The following LRP2BP variants were observed in gnomAD, a reference collection of about 807,000 sequenced individuals.
LRP2BP encodes the protein LRP2 binding protein.
A neutral mutation model predicts 45.2 loss-of-function variants in LRP2BP; 38 were observed. The observed-to-expected ratio is 0.84, with a 90% CI of 0.65 to 1.10. The LOEUF (loss-of-function observed/expected upper bound fraction) is 1.10, where lower values mean the gene tolerates loss of function less well. Ranked by LOEUF, LRP2BP falls within the 50% of genes least tolerant of loss-of-function variation. The pLI is 0.00. For synonymous variants in LRP2BP, 153 were observed against 153.9 expected (o/e 0.99, Z 0.04); for missense variants, 385 against 418.9 (o/e 0.92, Z 0.71).
chr4:185,367,295 T>A, intron 8 of LRP2BP, 50 bp from the exon 9 acceptor site: 2 of 1,469,932 alleles, frequency 1.4e-6, no homozygotes, highest in Non-Finnish European at 1.9e-6. Context: ...ATTGTTTGGG[T>A]CTTTCTTCTT....
Position 185,365,078 on chromosome 4 carries a change from TAC to T in LRP2BP, c.*2100_*2101del, listed in dbSNP as rs1396930879. Reference sequence around the variant, plus strand: ...TCTGGAAGTCTCAATGCACTCGAGTTACAGACTCACCGCAGTCTCAGGTCAAG... The same window carrying T: ...TCTGGAAGTCTCAATGCACTCGAGTTAGACTCACCGCAGTCTCAGGTCAAG... On this transcript the variant is annotated 3_prime_UTR_variant, in exon 9 of 9. Transcript: ENST00000505916. The T allele has an allele frequency of 6.6e-6, 1 of 152,002 alleles. No individual in the cohort carries two copies. Among genetic ancestry groups the T allele is most frequent in the Non-Finnish European group, 1.5e-5 (1 of 68,024 alleles). The allele number at this position is 152,002 out of a possible 1,614,324, so 9.4% of individuals were successfully genotyped here.
At position 185,372,856 on chromosome 4, in the gene LRP2BP, CT is replaced by C. The variant is rs1229237158; in HGVS notation, c.802del (p.Arg268GlyfsTer13). The C allele has an allele frequency of 1.1e-5, 17 of 1,598,082 alleles. No individual in the cohort carries two copies. The highest frequency in any genetic ancestry group is 1.5e-5 in the Non-Finnish European group (17 of 1,166,698). ...FFTKCVAFSK[R>X]IADYDEVHDI... ...GCACAGAACAGACAAAGACATTCAC[CT>C]TTTGGAAAATGCAACACACTTTGTA... On this transcript the variant is annotated frameshift_variant and splice_region_variant, in exon 7 of 9. Coordinates refer to ENST00000505916, the MANE Select transcript of LRP2BP (RefSeq NM_001377440.1). LOFTEE classifies it high-confidence loss of function.
At chr4:185,371,692 C>A (rs1251903486) in intron 7 of LRP2BP, among the ~76,000 whole-genome samples, 2 of 152,064 alleles carry the variant, frequency 1.3e-5, no homozygotes, top group African/African-American at 2.4e-5. Context: ...TAAGGGAAAG[C>A]GCCGAAGATT....
chr4:185,371,355 T>G (rs113696773), intron 7 of LRP2BP, among the ~76,000 whole-genome samples: 18 of 151,856 alleles, frequency 1.2e-4, no homozygotes, highest in Non-Finnish European at 1.9e-4. Context: ...CTGGCTAACA[T>G]GGTGAAACCC....
upstream of LRP2BP, chr4:185,396,734 C>T (rs991626648): frequency 6.1e-5 from 38 of 621,920 alleles, 1 homozygote; most frequent in African/African-American, 5.3e-4. Flanking sequence ...GGGTCCGGGT[C>T]GTTGAGGATT....
At chr4:185,388,915 C>T (rs932836126) in intron 1 of LRP2BP, among the ~76,000 whole-genome samples, 3 of 151,924 alleles carry the variant, frequency 2.0e-5, no homozygotes, top group South Asian at 2.1e-4. Flanking sequence ...CTTGCTCTGT[C>T]GCCAGGCTGG....
At position 185,363,931 on chromosome 4, in the gene LRP2BP, G is replaced by A. The variant is rs552560056; in HGVS notation, c.*3249C>T. The A allele has an allele frequency of 3.6e-4, 56 of 153,844 alleles. No individual in the cohort carries two copies. Among genetic ancestry groups the A allele is most frequent in the Non-Finnish European group, 6.1e-4 (42 of 68,808 alleles). The allele number at this position is 153,844 out of a possible 1,614,324, so 9.5% of individuals were successfully genotyped here. On this transcript the variant is annotated 3_prime_UTR_variant, in exon 9 of 9. Transcript: ENST00000505916. This position sits in a 1 kb window ranked among gnomAD's most constrained non-coding sequence, Gnocchi z 4.2. ...TTATTTTTACCAAAGATTTCCCATA[G>A]TTTGAGCATTCAAAGCAATAAAATA...
intron 1 of LRP2BP, among the ~76,000 whole-genome samples, chr4:185,383,780 T>A (rs1338977260): frequency 6.6e-6 from 1 of 152,230 alleles, no homozygotes; most frequent in African/African-American, 2.4e-5. Context: ...CTACATGACT[T>A]GCCCCCAACA....
chr4:185,389,999 T>C (rs892110421), intron 1 of LRP2BP, among the ~76,000 whole-genome samples: 1 of 152,244 alleles, frequency 6.6e-6, no homozygotes, highest in African/African-American at 2.4e-5. Flanking sequence ...GCATAAACTA[T>C]GGGCATAAGA....
At chr4:185,369,013 C>G (rs1485398502) in intron 8 of LRP2BP, among the ~76,000 whole-genome samples, 2 of 151,986 alleles carry the variant, frequency 1.3e-5, no homozygotes, top group Admixed American at 1.3e-4. Flanking sequence ...AGGTTGGTCT[C>G]ACACTCTTGG....
chr4:185,375,488 ATATATATATATAT>A (rs1261150119), intron 4 of LRP2BP, 112 bp downstream of exon 4: 2 of 8,606 alleles, frequency 2.3e-4, no homozygotes, highest in African/African-American at 4.4e-4. Context: ...AAAAAAAAAA[ATATATATATATAT>A]ATATATATAT....
At chr4:185,373,698 T>A (rs573587329) in intron 6 of LRP2BP, among the ~76,000 whole-genome samples, 1 of 152,322 alleles carries the variant, frequency 6.6e-6, no homozygotes, top group South Asian at 2.1e-4. Flanking sequence ...TTCCTTCTCC[T>A]TATAGGATTT....
At chr4:185,369,764 T>C (rs1026349120) in intron 8 of LRP2BP, 10 of 447,130 alleles carry the variant, frequency 2.2e-5, no homozygotes, top group Non-Finnish European at 4.5e-5. Flanking sequence ...CTTCAACAAA[T>C]ACGCTTCTGT....
Position 185,395,494 on chromosome 4 carries a change from A to C in LRP2BP, c.-737T>G, listed in dbSNP as rs1237571442. 3 of 985,192 alleles carry C rather than the reference A, an allele frequency of 3.0e-6. No homozygotes were observed. In the South Asian group the frequency reaches 1.4e-4, roughly 46 times the overall value. 61.0% of individuals were successfully genotyped at this position (985,192 alleles called of 1,614,324 possible). On this transcript the variant is annotated 5_prime_UTR_variant, in exon 1 of 9. Coordinates refer to ENST00000505916, the MANE Select transcript of LRP2BP (RefSeq NM_001377440.1). ...ATATCAACGTGTGCTCACCTCACAA[A>C]TCTGACAACAGTATCTCTACACTGC...
At chr4:185,371,722 C>G (rs968129477) in intron 7 of LRP2BP, among the ~76,000 whole-genome samples, 2 of 152,188 alleles carry the variant, frequency 1.3e-5, no homozygotes, top group Admixed American at 1.3e-4. Context: ...GATTTAAAGT[C>G]TTAGTTCTAA....
At chr4:185,371,063 A>G (rs1189121717) in intron 7 of LRP2BP, 3 of 387,104 alleles carry the variant, frequency 7.7e-6, no homozygotes, top group African/African-American at 5.9e-5. Flanking sequence ...CTGGAAAACA[A>G]AGGTATGTTT....
chr4:185,379,407 T>G (rs2095448648), intron 1 of LRP2BP, among the ~76,000 whole-genome samples: 1 of 152,238 alleles, frequency 6.6e-6, no homozygotes, highest in Admixed American at 6.5e-5. Context: ...CTCAATATGC[T>G]ACTTATCCAA....
At chr4:185,379,467 CAA>C (rs1490000170) in intron 1 of LRP2BP, among the ~76,000 whole-genome samples, 1 of 152,156 alleles carries the variant, frequency 6.6e-6, no homozygotes, top group East Asian at 1.9e-4. Context: ...AGAAATGAAA[CAA>C]ATCAGAAAAC....
intron 1 of LRP2BP, among the ~76,000 whole-genome samples, chr4:185,393,972 T>C (rs557433732): frequency 1.3e-5 from 2 of 152,280 alleles, no homozygotes; most frequent in South Asian, 4.1e-4. Flanking sequence ...TGAAGACTCT[T>C]TTGCGGCCAG....
Sources: allele counts gnomAD v4.1 joint callset (sites outside exome capture counted in the v4.1 genomes callset), GRCh38; gene constraint gnomAD v4.1.1; non-coding constraint Gnocchi (gnomAD v3.1); transcripts MANE v1.5; gene names NCBI Gene and HGNC (gene_info 2026-07-23, HGNC 2026-07-21).